The following ITGA8 variants were observed in gnomAD, a reference collection of about 807,000 sequenced individuals.
ITGA8 encodes integrin alpha-8.
Under a neutral mutation model 142.3 loss-of-function variants are expected in ITGA8, and 91 were observed. The observed-to-expected ratio is 0.64, with a 90% CI of 0.54 to 0.76. ITGA8 has a LOEUF of 0.76. Among genes scored for constraint, ITGA8 ranks in the 30% least tolerant of loss-of-function variants. The pLI is 0.00. For synonymous variants in ITGA8, 505 were observed against 485.2 expected (o/e 1.04, Z -0.54); for missense variants, 1,406 against 1,327.7 (o/e 1.06, Z -0.92).
chr10:15,710,090 T>C lies in ITGA8; in HGVS notation c.343+8676A>G, dbSNP rs111796104. Among the ~76,000 whole-genome samples the C allele has an allele frequency of 2.0e-3, 311 of 152,270 alleles. 2 individuals are homozygous for C. Among genetic ancestry groups the C allele is most frequent in the Non-Finnish European group, 2.7e-3 (182 of 68,016 alleles). On this transcript the variant is annotated intron_variant, in intron 2 of 29. Coordinates refer to ENST00000378076, the MANE Select transcript of ITGA8 (RefSeq NM_003638.3). ...TTTGTGTGTTTAATTTTTTCATTATTTTTCCTGATCATAAATAAATACTTG... is the reference window on the plus strand; with the variant it reads ...TTTGTGTGTTTAATTTTTTCATTATCTTTCCTGATCATAAATAAATACTTG...
In ITGA8 at chr10:15,719,473, G is replaced by A. The variant is rs1835516973; in HGVS notation, c.209+90C>T. The A allele has an allele frequency of 2.4e-6, 3 of 1,226,720 alleles. No homozygotes were observed. In the East Asian group the frequency reaches 9.2e-5, roughly 38 times the overall value. The allele number at this position is 1,226,720 out of a possible 1,614,324, so 76.0% of individuals were successfully genotyped here. A position where few individuals can be genotyped will look rare whatever the true frequency, so the allele number is the denominator to read the frequency against. On this transcript the variant is annotated intron_variant, in intron 1 of 29. Coordinates refer to ENST00000378076, the MANE Select transcript of ITGA8 (RefSeq NM_003638.3). Reference sequence around the variant, plus strand: ...GCAGGCGGCAGGACGGGGATCCCAGGCTGCGGGGGGACTCCGCGGCAGAGC... The same window carrying A: ...GCAGGCGGCAGGACGGGGATCCCAGACTGCGGGGGGACTCCGCGGCAGAGC...
chr10:15,525,860 T>C (rs984867300), intron 28 of ITGA8, among the ~76,000 whole-genome samples: 3 of 152,122 alleles, frequency 2.0e-5, no homozygotes, highest in African/African-American at 7.2e-5. Context: ...AAAATACTAA[T>C]AATTTACATT....
intron 11 of ITGA8, among the ~76,000 whole-genome samples, chr10:15,651,520 A>G (rs1834084527): frequency 6.6e-6 from 1 of 150,730 alleles, no homozygotes; most frequent in Non-Finnish European, 1.5e-5. Context: ...TTATCTGGTC[A>G]CTTATTGACA....
At chr10:15,578,786 T>C (rs1827542464) in intron 23 of ITGA8, among the ~76,000 whole-genome samples, 1 of 152,092 alleles carries the variant, frequency 6.6e-6, no homozygotes, top group Non-Finnish European at 1.5e-5. Flanking sequence ...AAATCTGCAA[T>C]CTTACCACTC....
intron 27 of ITGA8, among the ~76,000 whole-genome samples, chr10:15,536,886 A>T (rs1261973951): frequency 6.6e-6 from 1 of 152,138 alleles, no homozygotes; most frequent in Non-Finnish European, 1.5e-5. Flanking sequence ...AAGCTCTCCC[A>T]CTCCCAACTT....
At chr10:15,605,907 T>C (rs1316721964) in intron 18 of ITGA8, 116 bp from the exon 19 acceptor site, 2 of 866,286 alleles carry the variant, frequency 2.3e-6, no homozygotes, top group African/African-American at 3.3e-5. Context: ...TCACTATGCA[T>C]GACTCTACCC....
chr10:15,578,723 T>A (rs1834345182), intron 23 of ITGA8, among the ~76,000 whole-genome samples: 1 of 152,102 alleles, frequency 6.6e-6, no homozygotes, highest in Non-Finnish European at 1.5e-5. Context: ...CCTCAGCTGT[T>A]CATGTTTGTG....
intron 23 of ITGA8, among the ~76,000 whole-genome samples, chr10:15,580,723 C>A (rs1316437511): frequency 6.6e-6 from 1 of 152,038 alleles, no homozygotes; most frequent in Non-Finnish European, 1.5e-5. Flanking sequence ...TTGAAAAAAA[C>A]TAAACATACA....
intron 9 of ITGA8, among the ~76,000 whole-genome samples, chr10:15,659,615 AAAATTTCATATCTACCCAG>A (rs1834248347): frequency 6.6e-6 from 1 of 152,232 alleles, no homozygotes; most frequent in South Asian, 2.1e-4. Flanking sequence ...GTAGCACCCC[AAAATTTCATATCTACCCAG>A]AACATCAGAA....
In ITGA8 at chr10:15,524,282, A is replaced by G. The variant is rs1760476908; in HGVS notation, c.2983-4870T>C. Among the ~76,000 whole-genome samples, 3 of 152,196 alleles carry G rather than the reference A, an allele frequency of 2.0e-5. No homozygotes were observed. In the South Asian group the frequency reaches 6.2e-4, roughly 31 times the overall value. On this transcript the variant is annotated intron_variant, in intron 28 of 29. Coordinates refer to ENST00000378076, the MANE Select transcript of ITGA8 (RefSeq NM_003638.3). Reference sequence around the variant, plus strand: ...TCACTACAGTAAGAACAGTGGAAATACAGAAAACCAACAACAGCGACCCAG... The same window carrying G: ...TCACTACAGTAAGAACAGTGGAAATGCAGAAAACCAACAACAGCGACCCAG...
intron 13 of ITGA8, among the ~76,000 whole-genome samples, chr10:15,629,604 C>T (rs958384762): frequency 6.6e-6 from 1 of 152,182 alleles, no homozygotes; most frequent in Non-Finnish European, 1.5e-5. Flanking sequence ...ATATTCTGCC[C>T]TTTCCCCTTT....
chr10:15,618,593 G>A (rs1016760679), intron 13 of ITGA8, among the ~76,000 whole-genome samples: 1 of 152,162 alleles, frequency 6.6e-6, no homozygotes, highest in Non-Finnish European at 1.5e-5. Context: ...AGTGGACTGG[G>A]AAAGGCCGAC....
At chr10:15,575,640 A>C (rs1226048024) in intron 23 of ITGA8, 46 bp from the exon 24 acceptor site, 2 of 1,487,296 alleles carry the variant, frequency 1.3e-6, no homozygotes, top group South Asian at 2.3e-5. Flanking sequence ...GGCCCAGGTA[A>C]AGAATGTTTT....
chr10:15,527,724 A>C (rs1046781508), intron 28 of ITGA8, among the ~76,000 whole-genome samples: 1 of 152,172 alleles, frequency 6.6e-6, no homozygotes, highest in Admixed American at 6.5e-5. Context: ...CGTGTTGAAA[A>C]GGGAGTACAA....
intron 19 of ITGA8, 147 bp downstream of exon 19, chr10:15,605,577 C>T: frequency 1.5e-6 from 1 of 664,966 alleles, no homozygotes; most frequent in South Asian, 1.9e-5. Flanking sequence ...AAACCACAGG[C>T]TAACCCAAAG....
At position 15,660,882 on chromosome 10, in the gene ITGA8, T is replaced by A. The variant is rs745331218; in HGVS notation, c.888A>T (p.Gly296=). ...GTAATGCATTCTCAGTACTCACATA[T>A]CCAAAATTCTGTGCTCCTCTTGGAA... ...AGIPRGAQNF[G]YVSIINSTDM... is the part of the protein sequence containing the mutation. The change falls in exon 9 of 30, where the codon GGA becomes GGT. Residue 296 remains glycine, a synonymous_variant. Transcript: ENST00000378076. 47 of 1,613,342 alleles carry A rather than the reference T, an allele frequency of 2.9e-5. No individual in the cohort carries two copies. Among genetic ancestry groups the A allele is most frequent in the Non-Finnish European group, 3.9e-5 (46 of 1,179,414 alleles).
chr10:15,598,835 CAGTT>C (rs1271395482), intron 20 of ITGA8, among the ~76,000 whole-genome samples: 3 of 152,178 alleles, frequency 2.0e-5, no homozygotes, highest in African/African-American at 7.2e-5. Context: ...TCCTGAAAGA[CAGTT>C]AGTTACGTCG....
At chr10:15,704,027 TA>T (rs1241821430) in intron 2 of ITGA8, among the ~76,000 whole-genome samples, 9 of 152,200 alleles carry the variant, frequency 5.9e-5, no homozygotes, top group African/African-American at 1.9e-4. Context: ...TATTTTTACC[TA>T]ATATAATGGT....
intron 23 of ITGA8, among the ~76,000 whole-genome samples, chr10:15,576,098 A>G (rs1834291034): frequency 6.6e-6 from 1 of 152,106 alleles, no homozygotes; most frequent in South Asian, 2.1e-4. Context: ...GAAGAAATAT[A>G]GTTTCTTGTT....
Sources: gnomAD v4.1 joint callset for allele counts (sites outside exome capture counted in the v4.1 genomes callset) on GRCh38, gnomAD v4.1.1 for gene constraint, MANE v1.5 for transcripts, NCBI Gene and HGNC (gene_info 2026-07-23, HGNC 2026-07-21) for gene names.